KIF13B: variants seen among roughly 807,000 people sequenced by gnomAD.
KIF13B encodes the protein kinesin-like protein KIF13B.
KIF13B carries 127 observed loss-of-function variants against 222.0 expected under a neutral mutation model. The observed-to-expected ratio is 0.57, with a 90% CI of 0.50 to 0.66. The LOEUF is 0.66. KIF13B is among the 30% of genes least tolerant of loss of function. The pLI, the probability that KIF13B is intolerant of heterozygous loss-of-function variation, is 0.00. For synonymous variants in KIF13B, 976 were observed against 919.0 expected (o/e 1.06, Z -1.12); for missense variants, 2,173 against 2,379.0 (o/e 0.91, Z 1.80).
At chr8:29,088,764 TACA>T (rs1236403443) in intron 37 of KIF13B, among the ~76,000 whole-genome samples, 69 of 152,316 alleles carry the variant, frequency 4.5e-4, no homozygotes, top group African/African-American at 7.2e-4. Flanking sequence ...CACTTCAGAG[TACA>T]ACAAGTGAAA....
At chr8:29,250,578 C>T (rs916374433) in intron 1 of KIF13B, among the ~76,000 whole-genome samples, 20 of 152,218 alleles carry the variant, frequency 1.3e-4, no homozygotes, top group Non-Finnish European at 1.3e-4. Context: ...TAACACCCAT[C>T]AAAGATGGCC....
chr8:29,105,628 G>A (rs1258961087), intron 35 of KIF13B, among the ~76,000 whole-genome samples: 1 of 146,282 alleles, frequency 6.8e-6, no homozygotes, highest in Non-Finnish European at 1.5e-5. Context: ...TTAAAATAAG[G>A]AAACTGGGCA....
intron 2 of KIF13B, among the ~76,000 whole-genome samples, chr8:29,237,548 T>C (rs912694713): frequency 6.6e-6 from 1 of 152,198 alleles, no homozygotes; most frequent in African/African-American, 2.4e-5. Flanking sequence ...ACTCTTTTCT[T>C]GTATTTTTTA....
At chr8:29,156,595 CCT>C (rs1401433404) in intron 13 of KIF13B, among the ~76,000 whole-genome samples, 1 of 151,926 alleles carries the variant, frequency 6.6e-6, no homozygotes, top group Non-Finnish European at 1.5e-5. Context: ...GCTCACTAAA[CCT>C]CACCTTCTTG....
At position 29,071,102 on chromosome 8, in the gene KIF13B, C is replaced by A. The variant is rs184679567; in HGVS notation, c.5219-336G>T. Among the ~76,000 whole-genome samples, 1 of 152,316 alleles carries A rather than the reference C, an allele frequency of 6.6e-6. No homozygotes were observed. The highest frequency in any genetic ancestry group is 6.5e-5 in the Admixed American group (1 of 15,314). On this transcript the variant is annotated intron_variant, in intron 39 of 39. Transcript: ENST00000524189. This position sits in a 1 kb window ranked among gnomAD's most constrained non-coding sequence, Gnocchi z 4.9. ...AGGCCAGCCACTAAGGCACAACCGG[C>A]CCGCCTCGTGCGGGAACAGACCCTT...
Position 29,170,157 on chromosome 8 carries a change from G to C in KIF13B, c.946-2572C>G, listed in dbSNP as rs1366381588. Among the ~76,000 whole-genome samples, 5 of 152,204 alleles carry C rather than the reference G, an allele frequency of 3.3e-5. 1 individual carries two copies. The highest frequency in any genetic ancestry group is 7.3e-5 in the Non-Finnish European group (5 of 68,034). Reference sequence around the variant, plus strand: ...AAAGTGTCTTGTTTACTCTTTAACTGTTTAGGCAAATCAGATGAGGTTTGT... The same window carrying C: ...AAAGTGTCTTGTTTACTCTTTAACTCTTTAGGCAAATCAGATGAGGTTTGT... On this transcript the variant is annotated intron_variant, in intron 10 of 39. Coordinates refer to ENST00000524189, the MANE Select transcript of KIF13B (RefSeq NM_015254.4).
chr8:29,248,538 C>T (rs115249814), intron 1 of KIF13B, among the ~76,000 whole-genome samples: 1,623 of 152,254 alleles, frequency 0.011, 34 homozygotes, highest in African/African-American at 0.037. Context: ...GACAGCCAAG[C>T]GAACAGGGTT....
intron 8 of KIF13B, among the ~76,000 whole-genome samples, chr8:29,179,431 C>G (rs1455281076): frequency 6.6e-6 from 1 of 152,210 alleles, no homozygotes; most frequent in Non-Finnish European, 1.5e-5. Context: ...GAGAGCATTA[C>G]CATTGGCTCA....
At chr8:29,118,786 T>C (rs950207083) in intron 30 of KIF13B, 82 bp downstream of exon 30, 5 of 1,398,930 alleles carry the variant, frequency 3.6e-6, no homozygotes, top group African/African-American at 2.9e-5. Context: ...ACTGGCATGA[T>C]TGCCTTATTG....
intron 1 of KIF13B, among the ~76,000 whole-genome samples, chr8:29,262,620 G>C (rs923859339): frequency 6.6e-6 from 1 of 151,694 alleles, no homozygotes; most frequent in Non-Finnish European, 1.5e-5. Flanking sequence ...GGGAAGGAGC[G>C]AGGCTGAGGG....
chr8:29,217,871 C>A (rs1232750121), intron 2 of KIF13B, among the ~76,000 whole-genome samples: 5 of 152,172 alleles, frequency 3.3e-5, no homozygotes, highest in African/African-American at 7.2e-5. Context: ...GACACCCCCC[C>A]ACAAGATGGT....
At chr8:29,147,627 C>T in intron 16 of KIF13B, 25 bp from the exon 17 acceptor site, 1 of 1,516,476 alleles carries the variant, frequency 6.6e-7, no homozygotes, top group South Asian at 1.1e-5. Context: ...AAAAAAGATA[C>T]ATGATCGAGA....
chr8:29,228,472 A>AAAAAAAAAAAAAATATAT, intron 2 of KIF13B, among the ~76,000 whole-genome samples: 5,436 of 116,676 alleles, frequency 0.047, 392 homozygotes, highest in African/African-American at 0.086. Flanking sequence ...ATCTTAAAAA[A>AAAAAAAAAAAAAATATAT]ATATATATAT....
At chr8:29,220,685 A>G (rs1814702130) in intron 2 of KIF13B, among the ~76,000 whole-genome samples, 1 of 152,204 alleles carries the variant, frequency 6.6e-6, no homozygotes, top group Non-Finnish European at 1.5e-5. Context: ...ACATACAAAC[A>G]TACACACCAA....
Position 29,072,328 on chromosome 8 carries a change from C to CT in KIF13B, c.4522-13_4522-12insA. ...ATCTCCGGCTGAGCCTGCAGCAGGA[C>CT]GGGGAAGCAGGGGCTGAGAACAGAA... On this transcript the variant is annotated splice_polypyrimidine_tract_variant and intron_variant, in intron 38 of 39. Coordinates refer to ENST00000524189, the MANE Select transcript of KIF13B (RefSeq NM_015254.4). 7.2e-7 allele frequency: 1 copy of CT among 1,392,950 alleles called. No homozygotes were observed. Among genetic ancestry groups the CT allele is most frequent in the Non-Finnish European group, 9.4e-7 (1 of 1,068,366 alleles). The allele number at this position is 1,392,950 out of a possible 1,614,324, so 86.3% of individuals were successfully genotyped here.
rs559533704 is a variant in KIF13B, at chr8:29,204,839, CTCAG to C, written c.150-8644_150-8641del. The stretch of plus-strand genomic sequence containing the variant: ...AAGAAAGCTTCTAATTTTTATTTCT[CTCAG>C]TATTTGTGGTTTTCAATTTAATCCC... On this transcript the variant is annotated intron_variant, in intron 2 of 39. Transcript: ENST00000524189. Among the ~76,000 whole-genome samples, 304 of 151,488 alleles carry C rather than the reference CTCAG, an allele frequency of 2.0e-3. 1 individual carries two copies. The highest frequency in any genetic ancestry group is 6.1e-3 in the African/African-American group (254 of 41,398).
intron 16 of KIF13B, 111 bp downstream of exon 16, chr8:29,148,466 C>T (rs931089857): frequency 3.2e-5 from 20 of 619,230 alleles, no homozygotes; most frequent in Non-Finnish European, 4.4e-5. Context: ...TGGTTATTCA[C>T]GGGCACAGTC....
intron 2 of KIF13B, among the ~76,000 whole-genome samples, chr8:29,223,559 T>C (rs1814866012): frequency 6.6e-6 from 1 of 152,312 alleles, no homozygotes; most frequent in South Asian, 2.1e-4. Flanking sequence ...TAGTAATTAA[T>C]CTGCAATAAA....
intron 31 of KIF13B, among the ~76,000 whole-genome samples, chr8:29,115,381 C>T (rs988849275): frequency 6.7e-6 from 1 of 149,698 alleles, no homozygotes; most frequent in Admixed American, 6.7e-5. Context: ...GGCTGGAGTG[C>T]AACGGTGCAA....
Sources: gnomAD v4.1 joint callset for allele counts (sites outside exome capture counted in the v4.1 genomes callset) on GRCh38, gnomAD v4.1.1 for gene constraint, Gnocchi (gnomAD v3.1) non-coding constraint, MANE v1.5 for transcripts, NCBI Gene and HGNC (gene_info 2026-07-23, HGNC 2026-07-21) for gene names.